DGKE: variants seen among roughly 807,000 people sequenced by gnomAD.
DGKE encodes the protein diacylglycerol kinase epsilon.
DGKE carries 53 observed loss-of-function variants against 70.0 expected under a neutral mutation model. The ratio of observed to expected loss-of-function variants is 0.76; its 90% CI spans 0.61 to 0.95. DGKE has a LOEUF of 0.95. DGKE is among the 40% of genes least tolerant of loss of function. The pLI, the probability that DGKE is intolerant of heterozygous loss-of-function variation, is 0.00. For missense variants in DGKE, 655 were observed against 706.9 expected (o/e 0.93, Z 0.83); for synonymous variants, 291 against 257.0 (o/e 1.13, Z -1.27).
intron 7 of DGKE, among the ~76,000 whole-genome samples, chr17:56,851,724 G>A (rs1907663845): frequency 6.6e-6 from 1 of 152,200 alleles, no homozygotes; most frequent in Admixed American, 6.5e-5. Context: ...AGGAAACACA[G>A]TCCAGGAAGC....
intron 9 of DGKE, 75 bp from the exon 10 acceptor site, chr17:56,861,716 T>C (rs1198265064): frequency 1.5e-5 from 23 of 1,581,746 alleles, no homozygotes; most frequent in Non-Finnish European, 2.0e-5. Context: ...TTTATGAAAA[T>C]AGATGTGAAT....
chr17:56,839,677 C>A (rs555899988), intron 2 of DGKE, among the ~76,000 whole-genome samples: 116 of 151,950 alleles, frequency 7.6e-4, no homozygotes, highest in Admixed American at 2.5e-3. Context: ...CACCACCATG[C>A]CTGATATTTT....
rs1391807957 is a variant in DGKE, at chr17:56,847,903, C to A, written c.745-19C>A. 8.5e-6 allele frequency: 13 copies of A among 1,521,822 alleles called. No individual in the cohort carries two copies. The highest frequency in any genetic ancestry group is 1.1e-5 in the Non-Finnish European group (13 of 1,132,342). 94.3% of individuals were successfully genotyped at this position (1,521,822 alleles called of 1,614,324 possible). A position where few individuals can be genotyped will look rare whatever the true frequency, so the allele number is the denominator to read the frequency against. On this transcript the variant is annotated intron_variant, in intron 4 of 11. Transcript: ENST00000284061. ...AAAATGTTGGATAAAAATAATTTGT[C>A]TTTTTCTTTTGTTTCTAGGTTTTTG...
In DGKE at chr17:56,865,030, G is replaced by A. The variant is rs1434702977; in HGVS notation, c.*2239G>A. ...ACTTATTTAGACTTCATTTAGGGAA[G>A]CTATTTCAGAATACCATCTCATAAA... On this transcript the variant is annotated 3_prime_UTR_variant, in exon 12 of 12. Transcript: ENST00000284061. The A allele has an allele frequency of 6.6e-6, 1 of 152,042 alleles. No homozygotes were observed. Among genetic ancestry groups the A allele is most frequent in the Non-Finnish European group, 1.5e-5 (1 of 67,974 alleles). The allele number at this position is 152,042 out of a possible 1,614,324, so 9.4% of individuals were successfully genotyped here.
At chr17:56,858,459 C>A in intron 8 of DGKE, 135 bp from the exon 9 acceptor site, 1 of 640,376 alleles carries the variant, frequency 1.6e-6, no homozygotes, top group Non-Finnish European at 2.4e-6. Flanking sequence ...CCCTTCTTTT[C>A]ATCAGCATCT....
chr17:56,852,508 G>A (rs1442948154), intron 7 of DGKE, among the ~76,000 whole-genome samples: 1 of 152,068 alleles, frequency 6.6e-6, no homozygotes, highest in Non-Finnish European at 1.5e-5. Flanking sequence ...TCTGGGAGCA[G>A]GAATTATAAA....
Position 56,862,725 on chromosome 17 carries a change from T to C in DGKE, c.1638T>C (p.Ser546=), listed in dbSNP as rs2144302762. 1 of 1,610,890 alleles carries C rather than the reference T, an allele frequency of 6.2e-7. No homozygotes were observed. Among genetic ancestry groups the C allele is most frequent in the Non-Finnish European group, 8.5e-7 (1 of 1,179,154 alleles). Residue 546 remains serine, a synonymous_variant, in exon 12 of 12, where the codon TCT becomes TCC. Coordinates refer to ENST00000284061, the MANE Select transcript of DGKE (RefSeq NM_003647.3). ...CACATGCAATGATGTTATATTTCTC[T>C]GGAGAACAAACAGATGATGACATCT... ...HKTHAMMLYF[S]GEQTDDDISS...
At position 56,868,681 on chromosome 17, in the gene DGKE, A is replaced by G. The variant is rs886305260; in HGVS notation, c.*5890A>G. On this transcript the variant is annotated 3_prime_UTR_variant, in exon 12 of 12. Transcript: ENST00000284061. ...ATTAAAAGTGCAGCACGTAAGTATG[A>G]TACTGTGTAGTTTTTTGACACAACC... 1 of 152,234 alleles carries G rather than the reference A, an allele frequency of 6.6e-6. No homozygotes were observed. Among genetic ancestry groups the G allele is most frequent in the Non-Finnish European group, 1.5e-5 (1 of 68,046 alleles). The allele number at this position is 152,234 out of a possible 1,614,324, so 9.4% of individuals were successfully genotyped here.
chr17:56,859,561 A>G (rs1427712360), intron 9 of DGKE, among the ~76,000 whole-genome samples: 5 of 151,216 alleles, frequency 3.3e-5, no homozygotes, highest in Non-Finnish European at 5.9e-5. Flanking sequence ...CTGGGATTAC[A>G]GGCGCCCACC....
At chr17:56,846,311 G>GTCCCTTGT (rs1907283477) in intron 4 of DGKE, 3 of 152,282 alleles carry the variant, frequency 2.0e-5, no homozygotes, top group African/African-American at 7.2e-5. Flanking sequence ...AAAGAAGGCA[G>GTCCCTTGT]ATACAAGGGA....
chr17:56,861,997 TC>T lies in DGKE; in HGVS notation c.1412+81del, dbSNP rs1285187750. The T allele has an allele frequency of 7.1e-6, 11 of 1,540,882 alleles. No individual in the cohort carries two copies. In the Admixed American group the frequency reaches 1.1e-4, roughly 15 times the overall value. On this transcript the variant is annotated intron_variant, in intron 10 of 11. Transcript: ENST00000284061. ...TCTTGTTTATAGACTTTAACATTTT[TC>T]CTCAAATTTTCTTTTTTGTGTATCT...
intron 2 of DGKE, among the ~76,000 whole-genome samples, chr17:56,842,467 G>A (rs1221205075): frequency 6.6e-6 from 1 of 152,140 alleles, no homozygotes; most frequent in Admixed American, 6.6e-5. Flanking sequence ...CTATTTTAAA[G>A]TTATGGTAGA....
intron 7 of DGKE, among the ~76,000 whole-genome samples, chr17:56,851,975 G>T (rs1326345119): frequency 6.6e-6 from 1 of 152,196 alleles, no homozygotes; most frequent in Non-Finnish European, 1.5e-5. Context: ...GGCTGAGGCA[G>T]GAAGATTGCT....
intron 7 of DGKE, among the ~76,000 whole-genome samples, chr17:56,854,493 T>C (rs1413980645): frequency 6.6e-6 from 1 of 151,952 alleles, no homozygotes; most frequent in African/African-American, 2.4e-5. Context: ...TTTATTATTT[T>C]CAATAGAGAC....
At position 56,869,313 on chromosome 17, in the gene DGKE, A is replaced by G. The variant is rs1282917805; in HGVS notation, c.*6522A>G. 1.3e-5 allele frequency: 2 copies of G among 152,254 alleles called. No individual in the cohort carries two copies. The highest frequency in any genetic ancestry group is 4.8e-5 in the African/African-American group (2 of 41,464). 9.4% of individuals were successfully genotyped at this position (152,254 alleles called of 1,614,324 possible). On this transcript the variant is annotated 3_prime_UTR_variant, in exon 12 of 12. Coordinates refer to ENST00000284061, the MANE Select transcript of DGKE (RefSeq NM_003647.3). The stretch of plus-strand genomic sequence containing the variant: ...TGACTATCGTCTACCATAAGGTTAT[A>G]TGATAATTATTAGGGCAGGAGAGTG...
chr17:56,859,162 CAA>C (rs138393124), intron 9 of DGKE, among the ~76,000 whole-genome samples: 52 of 140,926 alleles, frequency 3.7e-4, no homozygotes, highest in Middle Eastern at 7.0e-3. Context: ...TGTATAAATA[CAA>C]AAAAAAAAAA....
intron 7 of DGKE, 150 bp downstream of exon 7, chr17:56,849,382 A>G (rs183886988): frequency 1.5e-6 from 1 of 650,014 alleles, no homozygotes; most frequent in Admixed American, 3.2e-5. Context: ...CACAAGCTGG[A>G]CTGTAAATGT....
intron 7 of DGKE, among the ~76,000 whole-genome samples, chr17:56,849,973 G>A (rs756216079): frequency 7.9e-5 from 12 of 152,156 alleles, no homozygotes; most frequent in Non-Finnish European, 1.3e-4. Flanking sequence ...AGGGGGCAGG[G>A]GGAGTAGCCC....
At chr17:56,856,207 A>C (rs1393894319) in intron 7 of DGKE, among the ~76,000 whole-genome samples, 1 of 152,040 alleles carries the variant, frequency 6.6e-6, no homozygotes, top group Non-Finnish European at 1.5e-5. Context: ...GTAAAGAGCA[A>C]ATGTAATGGG....
Sources: allele counts gnomAD v4.1 joint callset (sites outside exome capture counted in the v4.1 genomes callset), GRCh38; gene constraint gnomAD v4.1.1; transcripts MANE v1.5; gene names NCBI Gene and HGNC (gene_info 2026-07-23, HGNC 2026-07-21).